The following ADD2 variants were observed in gnomAD, a reference collection of about 807,000 sequenced individuals.
ADD2 encodes the protein beta-adducin.
In ADD2, 23 loss-of-function variants were observed where a neutral mutation model predicts 83.0. The observed-to-expected ratio is 0.28, with a 90% CI of 0.20 to 0.39. The LOEUF (loss-of-function observed/expected upper bound fraction) is 0.39. ADD2 is among the 10% of genes least tolerant of loss of function. ADD2 has a pLI of 1.00. For missense variants in ADD2, 758 were observed against 944.9 expected (o/e 0.80, Z 2.59); for synonymous variants, 375 against 375.4 (o/e 1.00, Z 0.01).
Position 70,767,904 on chromosome 2 carries a change from G to C in ADD2, c.-172C>G. The C allele has an allele frequency of 1.3e-6, 2 of 1,535,868 alleles. No individual in the cohort carries two copies. The highest frequency in any genetic ancestry group is 1.2e-5 in the South Asian group (1 of 84,048). ...CCCTTACCTCCTGCGCGGCATCTTA[G>C]CTATCTCCGGTCGGCCACTGCGGGT... is the stretch of plus-strand genomic sequence containing the variant. On this transcript the variant is annotated 5_prime_UTR_variant, in exon 1 of 16. Coordinates refer to ENST00000264436, the MANE Select transcript of ADD2 (RefSeq NM_001617.4).
At chr2:70,743,835 G>A (rs1674045960) in intron 1 of ADD2, among the ~76,000 whole-genome samples, 1 of 152,210 alleles carries the variant, frequency 6.6e-6, no homozygotes, top group Non-Finnish European at 1.5e-5. Flanking sequence ...ATTAAAGGAA[G>A]GCCAGTGTGG....
At chr2:70,736,129 G>A (rs927417584) in intron 1 of ADD2, among the ~76,000 whole-genome samples, 4 of 151,908 alleles carry the variant, frequency 2.6e-5, no homozygotes, top group African/African-American at 7.3e-5. Context: ...TGCCGGGGGT[G>A]GGGGGCAGAA....
At position 70,765,663 on chromosome 2, in the gene ADD2, A is replaced by G. The variant is rs541811462; in HGVS notation, c.-154+2223T>C. Among the ~76,000 whole-genome samples, 6 of 152,340 alleles carry G rather than the reference A, an allele frequency of 3.9e-5. No homozygotes were observed. In the South Asian group the frequency reaches 1.2e-3, roughly 32 times the overall value. ...TGAATGAGTTTAACAAATAAATAAA[A>G]CATATAAGCCATGGGTTCGTCAATT... is the stretch of plus-strand genomic sequence containing the variant. On this transcript the variant is annotated intron_variant, in intron 1 of 15. Coordinates refer to ENST00000264436, the MANE Select transcript of ADD2 (RefSeq NM_001617.4).
Position 70,683,595 on chromosome 2 carries a change from T to C in ADD2, c.1121A>G (p.Asn374Ser), listed in dbSNP as rs1553369949. The C allele has an allele frequency of 6.2e-7, 1 of 1,611,026 alleles. No individual in the cohort carries two copies. Among genetic ancestry groups the C allele is most frequent in the Non-Finnish European group, 8.5e-7 (1 of 1,177,746 alleles). The change falls in exon 10 of 16, where the codon AAC (asparagine) becomes AGC (serine). Residue 374 changes from asparagine to serine, a missense_variant. Physicochemically the swap from Asn to Ser is conservative, Grantham distance 46. This residue lies in a region of ADD2 where 394 missense variants were observed against 509.3 expected (regional missense o/e 0.77). Transcript: ENST00000264436. ...GGGCAATGGCAGGAGACTCACCAGGTTGTCCAGCATCCTCATGAGGGCCTC... is the reference window on the plus strand; with the variant it reads ...GGGCAATGGCAGGAGACTCACCAGGCTGTCCAGCATCCTCATGAGGGCCTC... ...EFEALMRMLD[N>S]LGYRTGYTYR...
chr2:70,763,894 CTTTTTT>C (rs879960315), intron 1 of ADD2, among the ~76,000 whole-genome samples: 14 of 145,920 alleles, frequency 9.6e-5, no homozygotes, highest in Non-Finnish European at 1.8e-4. Flanking sequence ...ATTTTCTTTT[CTTTTTT>C]TTTTTGAGTT....
chr2:70,749,875 T>G (rs1171380618), intron 1 of ADD2, among the ~76,000 whole-genome samples: 8 of 152,206 alleles, frequency 5.3e-5, no homozygotes, highest in Admixed American at 2.0e-4. Context: ...CTGGACTTTC[T>G]GGGGAATGGA....
Position 70,674,974 on chromosome 2 carries a change from G to C in ADD2, c.1594-149C>G, listed in dbSNP as rs1003302575. On this transcript the variant is annotated intron_variant, in intron 13 of 15. Transcript: ENST00000264436. ...CCTTGGAAACAGCTCAGGGCCTTGG[G>C]GTAGGGATTGTTCTTTCCTCCCCAT... The C allele has an allele frequency of 4.4e-6, 6 of 1,359,202 alleles. No individual in the cohort carries two copies. In the African/African-American group the frequency reaches 7.3e-5, roughly 17 times the overall value. The allele number at this position is 1,359,202 out of a possible 1,614,324, so 84.2% of individuals were successfully genotyped here.
intron 6 of ADD2, 138 bp from the exon 7 acceptor site, chr2:70,692,690 G>T: frequency 1.0e-6 from 1 of 974,472 alleles, no homozygotes; most frequent in Non-Finnish European, 1.4e-6. Context: ...CGGACTTGGT[G>T]TTGGAAGAAA....
At chr2:70,767,814 G>T (rs889593844) in intron 1 of ADD2, 72 bp downstream of exon 1, 3 of 1,524,330 alleles carry the variant, frequency 2.0e-6, no homozygotes, top group African/African-American at 2.8e-5. Flanking sequence ...CCGGCCGAGG[G>T]ATGCCAGGGT....
chr2:70,683,792 C>T (rs782805681), intron 9 of ADD2, 25 bp from the exon 10 acceptor site: 1 of 1,598,582 alleles, frequency 6.3e-7, no homozygotes, highest in African/African-American at 1.3e-5. Flanking sequence ...AGAGAGCCCT[C>T]AGCCCATGTG....
chr2:70,757,618 G>T (rs907354436), intron 1 of ADD2, among the ~76,000 whole-genome samples: 7 of 152,128 alleles, frequency 4.6e-5, no homozygotes, highest in African/African-American at 1.7e-4. Flanking sequence ...AAAAAGGGAT[G>T]CTGAGATAAT....
At chr2:70,743,204 G>A (rs1553381414) in intron 1 of ADD2, among the ~76,000 whole-genome samples, 1 of 152,166 alleles carries the variant, frequency 6.6e-6, no homozygotes, top group Non-Finnish European at 1.5e-5. Context: ...CATCTCCTCA[G>A]TGGACATGAG....
At chr2:70,752,744 T>A (rs1373931896) in intron 1 of ADD2, among the ~76,000 whole-genome samples, 1 of 152,194 alleles carries the variant, frequency 6.6e-6, no homozygotes. Flanking sequence ...CTGTAAGACA[T>A]GCATGTAGAA....
intron 1 of ADD2, among the ~76,000 whole-genome samples, chr2:70,730,375 G>A (rs960322599): frequency 5.9e-5 from 9 of 152,226 alleles, no homozygotes; most frequent in African/African-American, 4.8e-5. Context: ...GCCAAAATTA[G>A]TCACACAGAT....
At chr2:70,738,382 CTA>C (rs1369344738) in intron 1 of ADD2, among the ~76,000 whole-genome samples, 1 of 152,186 alleles carries the variant, frequency 6.6e-6, no homozygotes, top group African/African-American at 2.4e-5. Context: ...TCATCGAGAT[CTA>C]TGAGACTGAA....
rs1252264710 is a variant in ADD2, at chr2:70,660,151, C to T, written c.*3274G>A. The T allele has an allele frequency of 2.0e-5, 3 of 152,170 alleles. No homozygotes were observed. The highest frequency in any genetic ancestry group is 4.4e-5 in the Non-Finnish European group (3 of 68,036). 9.4% of individuals were successfully genotyped at this position (152,170 alleles called of 1,614,324 possible). On this transcript the variant is annotated 3_prime_UTR_variant, in exon 16 of 16. Coordinates refer to ENST00000264436, the MANE Select transcript of ADD2 (RefSeq NM_001617.4). The stretch of plus-strand genomic sequence containing the variant: ...GTTTCTGTAGCATTTGGTGCATGTC[C>T]TCAAGCCTGGAGCTAAATGTGCCAC...
intron 9 of ADD2, among the ~76,000 whole-genome samples, chr2:70,686,844 C>T (rs1553370600): frequency 6.6e-6 from 1 of 152,208 alleles, no homozygotes; most frequent in Non-Finnish European, 1.5e-5. Flanking sequence ...TCATTATCTT[C>T]ACAGCTATCC....
At chr2:70,757,495 G>A (rs1674857151) in intron 1 of ADD2, among the ~76,000 whole-genome samples, 1 of 152,148 alleles carries the variant, frequency 6.6e-6, no homozygotes, top group Admixed American at 6.5e-5. Flanking sequence ...GAATGGTTAA[G>A]CTGGATACTG....
intron 2 of ADD2, among the ~76,000 whole-genome samples, chr2:70,709,104 G>A (rs530126176): frequency 6.8e-4 from 103 of 152,298 alleles, no homozygotes; most frequent in African/African-American, 2.4e-3. Flanking sequence ...AACAGGCAGT[G>A]GGAGTGCTCC....
Sources: allele counts gnomAD v4.1 joint callset (sites outside exome capture counted in the v4.1 genomes callset), GRCh38; gene constraint gnomAD v4.1.1; regional missense constraint gnomAD v4.1.1; transcripts MANE v1.5; gene names NCBI Gene and HGNC (gene_info 2026-07-23, HGNC 2026-07-21).